Variants in DGKB observed in about 807,000 individuals in gnomAD.
The protein encoded by DGKB is diacylglycerol kinase beta, also known as 90 kDa diacylglycerol kinase.
Under a neutral mutation model 114.3 loss-of-function variants are expected in DGKB, and 67 were observed. That is an observed-to-expected ratio of 0.59 (90% CI 0.48 to 0.72). DGKB has a LOEUF of 0.72. Among genes scored for constraint, DGKB ranks in the 30% least tolerant of loss-of-function variants. The pLI is 0.00. For synonymous variants in DGKB, 398 were observed against 323.1 expected, an observed-to-expected ratio of 1.23 and a Z score of -2.49; for missense variants, 907 against 975.2, an observed-to-expected ratio of 0.93 and a Z score of 0.93.
chr7:14,708,906 C>T (rs76242387), intron 6 of DGKB, among the ~76,000 whole-genome samples: 79,392 of 149,588 alleles, frequency 0.53, 21,517 homozygotes, highest in East Asian at 0.86. Context: ...TAGGCATGGG[C>T]AAGGACTTCA....
rs1006262822 is a variant in DGKB, at chr7:14,658,635, T to A, written c.1134+14294A>T. On this transcript the variant is annotated intron_variant, in intron 13 of 25. Transcript: ENST00000402815. ...GTATACCCTAAATACCCTGACCTGATCATTACACATTTTATGCATGTAACA... is the reference window on the plus strand; with the variant it reads ...GTATACCCTAAATACCCTGACCTGAACATTACACATTTTATGCATGTAACA... Among the ~76,000 whole-genome samples, 6 of 152,000 alleles carry A rather than the reference T, an allele frequency of 3.9e-5. No individual in the cohort carries two copies. In the South Asian group the frequency reaches 1.2e-3, roughly 32 times the overall value.
At chr7:14,363,562 C>T (rs971485882) in intron 21 of DGKB, among the ~76,000 whole-genome samples, 4 of 151,786 alleles carry the variant, frequency 2.6e-5, no homozygotes, top group Non-Finnish European at 5.9e-5. Context: ...TTTGAGCCTG[C>T]GATAGAGGGT....
intron 5 of DGKB, among the ~76,000 whole-genome samples, chr7:14,734,274 TG>T (rs1219694197): frequency 6.6e-6 from 1 of 151,730 alleles, no homozygotes; most frequent in Non-Finnish European, 1.5e-5. Flanking sequence ...CTCCTGACCT[TG>T]TGATCTGTCC....
intron 6 of DGKB, among the ~76,000 whole-genome samples, chr7:14,715,465 G>A (rs1435211770): frequency 6.6e-6 from 1 of 152,036 alleles, no homozygotes; most frequent in African/African-American, 2.4e-5. Flanking sequence ...ATTCACAGAG[G>A]CTGTTGGTAA....
intron 20 of DGKB, among the ~76,000 whole-genome samples, chr7:14,562,209 G>A (rs1364491739): frequency 6.6e-6 from 1 of 152,328 alleles, no homozygotes; most frequent in South Asian, 2.1e-4. Flanking sequence ...CAAGAATTGA[G>A]GTTTGGAAAC....
chr7:14,546,254 T>C (rs1223470833), intron 20 of DGKB, among the ~76,000 whole-genome samples: 5 of 152,226 alleles, frequency 3.3e-5, no homozygotes, highest in Admixed American at 6.5e-5. Context: ...TTTTCTCAAA[T>C]GACTGCCCAA....
At chr7:14,510,648 C>G (rs75965552) in intron 20 of DGKB, among the ~76,000 whole-genome samples, 1 of 152,130 alleles carries the variant, frequency 6.6e-6, no homozygotes, top group Non-Finnish European at 1.5e-5. Flanking sequence ...TCATAAATGT[C>G]CTTAATAGCA....
intron 23 of DGKB, among the ~76,000 whole-genome samples, chr7:14,337,021 C>A (rs1353083321): frequency 6.6e-6 from 1 of 152,080 alleles, no homozygotes; most frequent in Non-Finnish European, 1.5e-5. Flanking sequence ...AGGAAGGAAG[C>A]AAGGAGTACA....
rs73680344 is a variant in DGKB, at chr7:14,839,329, A to G, written c.70+1865T>C. The stretch of plus-strand genomic sequence containing the variant: ...GCAAATCAATTTTTAACCAATTTAG[A>G]AAGTATTGAGTATAAGACTGCAAGT... On this transcript the variant is annotated intron_variant, in intron 2 of 25. Transcript: ENST00000402815. Among the ~76,000 whole-genome samples, 1,087 of 152,238 alleles carry G rather than the reference A, an allele frequency of 7.1e-3. 17 individuals carry two copies. The highest frequency in any genetic ancestry group is 0.025 in the African/African-American group (1,055 of 41,528).
At chr7:14,652,424 T>C (rs182465670) in intron 13 of DGKB, among the ~76,000 whole-genome samples, 40 of 151,726 alleles carry the variant, frequency 2.6e-4, no homozygotes, top group Non-Finnish European at 5.3e-4. Context: ...TAATAAATGG[T>C]GCTGGGAAAA....
At chr7:14,613,566 CGT>C (rs1251154478) in intron 15 of DGKB, among the ~76,000 whole-genome samples, 153 bp from the exon 16 acceptor site, 6 of 127,928 alleles carry the variant, frequency 4.7e-5, no homozygotes, top group African/African-American at 1.6e-4. Context: ...TGAGTGTGTG[CGT>C]GTGTGTGCGT....
At chr7:14,938,766 T>A (rs571582135) in intron 1 of DGKB, among the ~76,000 whole-genome samples, 1 of 152,234 alleles carries the variant, frequency 6.6e-6, no homozygotes, top group Non-Finnish European at 1.5e-5. Context: ...CTGAGAAATG[T>A]AATGTGTAAC....
chr7:14,331,648 C>T (rs927958878), intron 23 of DGKB, among the ~76,000 whole-genome samples: 14 of 152,128 alleles, frequency 9.2e-5, no homozygotes, highest in African/African-American at 2.7e-4. Flanking sequence ...TTACTTCTTC[C>T]AGCACTCACC....
chr7:14,623,194 T>C (rs1363066768), intron 14 of DGKB, among the ~76,000 whole-genome samples: 2 of 152,170 alleles, frequency 1.3e-5, no homozygotes, highest in Admixed American at 1.3e-4. Flanking sequence ...GATTTTAGGC[T>C]TGATGTGAAA....
At chr7:14,178,249 A>T (rs986769332) in intron 23 of DGKB, 98 bp from the exon 24 acceptor site, 1 of 1,281,058 alleles carries the variant, frequency 7.8e-7, no homozygotes, top group Non-Finnish European at 1.1e-6. Context: ...AATAACAGCC[A>T]CTTCACAAAG....
At chr7:14,838,456 A>G (rs1265834275) in intron 2 of DGKB, among the ~76,000 whole-genome samples, 2 of 152,142 alleles carry the variant, frequency 1.3e-5, no homozygotes, top group Non-Finnish European at 2.9e-5. Context: ...GCCAAACTCA[A>G]TGCTTTCTTT....
At chr7:14,185,363 T>C (rs527624171) in intron 23 of DGKB, among the ~76,000 whole-genome samples, 1 of 152,106 alleles carries the variant, frequency 6.6e-6, no homozygotes, top group Admixed American at 6.5e-5. Context: ...AAAAAAATCA[T>C]AGATGACATG....
chr7:14,428,263 C>T (rs1827884629), intron 21 of DGKB, among the ~76,000 whole-genome samples: 1 of 151,680 alleles, frequency 6.6e-6, no homozygotes. Context: ...TTCTCTGAGC[C>T]CCTTATTACT....
chr7:14,240,527 C>T (rs1584663085), intron 23 of DGKB, among the ~76,000 whole-genome samples: 1 of 152,068 alleles, frequency 6.6e-6, no homozygotes, highest in East Asian at 1.9e-4. Flanking sequence ...ATTATCAGAG[C>T]TGTCCCTGTG....
Sources: allele counts gnomAD v4.1 joint callset (sites outside exome capture counted in the v4.1 genomes callset), GRCh38; gene constraint gnomAD v4.1.1; transcripts MANE v1.5; gene names NCBI Gene and HGNC (gene_info 2026-07-23, HGNC 2026-07-21).